TIMD4: variants seen among roughly 807,000 people sequenced by gnomAD.
The protein encoded by TIMD4 is T-cell immunoglobulin and mucin domain-containing protein 4.
Under a neutral mutation model 41.2 loss-of-function variants are expected in TIMD4, and 31 were observed. That is an observed-to-expected ratio of 0.75 (90% CI 0.57 to 1.01). The LOEUF (loss-of-function observed/expected upper bound fraction) is 1.01. TIMD4 is among the 50% of genes least tolerant of loss of function. The probability of loss-of-function intolerance (pLI) is 0.00; values close to 1 mark genes in which losing one functional copy is unlikely to be tolerated. For missense variants in TIMD4, 479 were observed against 472.5 expected, an observed-to-expected ratio of 1.01 and a Z score of -0.13; for synonymous variants, 204 against 177.1, an observed-to-expected ratio of 1.15 and a Z score of -1.21.
At position 156,919,423 on chromosome 5, in the gene TIMD4, GC is replaced by G. The variant is rs138422081; in HGVS notation, c.*33del. 6.1e-3 allele frequency: 9,564 copies of G among 1,571,870 alleles called. 534 individuals carry two copies. The African/African-American group carries it at 0.12, about 19-fold the overall frequency. The stretch of plus-strand genomic sequence containing the variant: ...ACTTATTTTGACACTGGAGTGTCAT[GC>G]CCCCATCCTCAATCTAACATGCTAC... On this transcript the variant is annotated 3_prime_UTR_variant, in exon 9 of 9. Transcript: ENST00000274532.
At chr5:156,937,087 A>C (rs944089180) in intron 5 of TIMD4, among the ~76,000 whole-genome samples, 3 of 152,180 alleles carry the variant, frequency 2.0e-5, no homozygotes, top group Non-Finnish European at 2.9e-5. Flanking sequence ...ACTTTCACAT[A>C]CATTATCTCA....
chr5:156,924,481 T>C (rs1321394731), intron 6 of TIMD4: 2 of 485,306 alleles, frequency 4.1e-6, no homozygotes, highest in Non-Finnish European at 8.3e-6. Flanking sequence ...TTTGCTGGCC[T>C]TGTTGGACTT....
chr5:156,954,136 G>A (rs896187846), intron 2 of TIMD4, among the ~76,000 whole-genome samples: 1 of 152,132 alleles, frequency 6.6e-6, no homozygotes, highest in African/African-American at 2.4e-5. Flanking sequence ...TGAAAACACT[G>A]GACCCAAATA....
chr5:156,943,623 C>T (rs1759685579), intron 5 of TIMD4, among the ~76,000 whole-genome samples: 2 of 152,166 alleles, frequency 1.3e-5, no homozygotes, highest in African/African-American at 4.8e-5. Flanking sequence ...TCCCAGCCCA[C>T]CTGATTTTAT....
In TIMD4 at chr5:156,954,629, G is replaced by T; in HGVS notation, c.186C>A (p.Ser62=). 6.2e-7 allele frequency: 1 copy of T among 1,614,196 alleles called. No individual in the cohort carries two copies. Residue 62 remains serine, a synonymous_variant, in exon 2 of 9, where the codon TCC becomes TCA. Coordinates refer to ENST00000274532, the MANE Select transcript of TIMD4 (RefSeq NM_138379.3). ...MCWGKDQCPY[S]GCKEALIRTD... ...TGCGGATGAGCGCCTCCTTGCAACCGGAGTAGGGGCACTGGTCTTTCCCCC... is the reference window on the plus strand; with the variant it reads ...TGCGGATGAGCGCCTCCTTGCAACCTGAGTAGGGGCACTGGTCTTTCCCCC...
intron 5 of TIMD4, among the ~76,000 whole-genome samples, chr5:156,939,818 A>G (rs567556832): frequency 2.6e-5 from 4 of 152,014 alleles, no homozygotes; most frequent in Admixed American, 2.6e-4. Context: ...TAATCTAGAC[A>G]CTCATGCTTC....
intron 5 of TIMD4, among the ~76,000 whole-genome samples, chr5:156,940,153 T>G (rs1040704510): frequency 2.0e-5 from 3 of 152,254 alleles, no homozygotes; most frequent in Non-Finnish European, 4.4e-5. Context: ...AGACGGGGTT[T>G]CGCCCTGTTG....
chr5:156,950,374 G>C (rs1759830612), intron 3 of TIMD4, among the ~76,000 whole-genome samples: 1 of 152,024 alleles, frequency 6.6e-6, no homozygotes, highest in Non-Finnish European at 1.5e-5. Context: ...TGTGTTTTAT[G>C]GTAGTTATTT....
chr5:156,962,152 G>GA (rs1358818039), intron 1 of TIMD4, among the ~76,000 whole-genome samples: 1 of 152,018 alleles, frequency 6.6e-6, no homozygotes, highest in African/African-American at 2.4e-5. Context: ...AGGAAAAAGG[G>GA]AAAAAATACA....
chr5:156,937,774 C>T (rs965961248), intron 5 of TIMD4, among the ~76,000 whole-genome samples: 4 of 152,154 alleles, frequency 2.6e-5, no homozygotes, highest in African/African-American at 4.8e-5. Flanking sequence ...GACTAGAATG[C>T]TATTGTGAGA....
In TIMD4 at chr5:156,927,708, T is replaced by A. The variant is rs77755842; in HGVS notation, c.845-1396A>T. On this transcript the variant is annotated intron_variant, in intron 5 of 8. Transcript: ENST00000274532. The stretch of plus-strand genomic sequence containing the variant: ...AGGATATGGACATTGAATGTGGGGG[T>A]AAGAAAGAGAGAAAAGTCTTTGATA... Among the ~76,000 whole-genome samples, 144 of 151,922 alleles carry A rather than the reference T, an allele frequency of 9.5e-4. 1 individual carries two copies. The East Asian group carries it at 0.026, about 27-fold the overall frequency.
intron 5 of TIMD4, among the ~76,000 whole-genome samples, chr5:156,944,570 T>A (rs1054366881): frequency 8.3e-5 from 12 of 143,778 alleles, no homozygotes; most frequent in African/African-American, 3.1e-4. Context: ...AGTGGCGCGA[T>A]CTCGGCTCAC....
At chr5:156,947,147 G>C (rs1300784517) in intron 5 of TIMD4, among the ~76,000 whole-genome samples, 4 of 152,014 alleles carry the variant, frequency 2.6e-5, no homozygotes, top group Non-Finnish European at 1.5e-5. Context: ...GCAGTGAGCG[G>C]AGATCGCACC....
intron 5 of TIMD4, among the ~76,000 whole-genome samples, chr5:156,930,978 C>T (rs925986642): frequency 1.3e-5 from 2 of 152,060 alleles, no homozygotes; most frequent in African/African-American, 4.8e-5. Context: ...TCTGGTGGGT[C>T]TCATGTAATT....
At chr5:156,948,324 C>CAAA (rs771775507) in intron 5 of TIMD4, 92 bp downstream of exon 5, 110 of 485,538 alleles carry the variant, frequency 2.3e-4, no homozygotes, top group African/African-American at 1.4e-3. Flanking sequence ...CTCATCTCTA[C>CAAA]AAAAAAAAAA....
In TIMD4 at chr5:156,954,632, G is replaced by GT. The variant is rs1759935229; in HGVS notation, c.182dup (p.Tyr61Ter). The GT allele has an allele frequency of 6.2e-7, 1 of 1,614,244 alleles. No individual in the cohort carries two copies. Among genetic ancestry groups the GT allele is most frequent in the African/African-American group, 1.3e-5 (1 of 75,064 alleles). Residue 61 changes from tyrosine to a stop codon, truncating the protein, a stop_gained and frameshift_variant, in exon 2 of 9, where the codon TAC becomes TAAC. Coordinates refer to ENST00000274532, the MANE Select transcript of TIMD4 (RefSeq NM_138379.3). LOFTEE classifies it high-confidence loss of function. ...SMCWGKDQCP[Y>*]SGCKEALIRT... ...GGATGAGCGCCTCCTTGCAACCGGA[G>GT]TAGGGGCACTGGTCTTTCCCCCAGC...
At chr5:156,949,954 A>T (rs903060266) in intron 3 of TIMD4, among the ~76,000 whole-genome samples, 21 of 152,124 alleles carry the variant, frequency 1.4e-4, no homozygotes, top group East Asian at 7.7e-4. Flanking sequence ...AGCAGCTGGG[A>T]TTACAGGTAC....
At chr5:156,929,158 T>C (rs998514573) in intron 5 of TIMD4, among the ~76,000 whole-genome samples, 4 of 152,086 alleles carry the variant, frequency 2.6e-5, no homozygotes, top group Non-Finnish European at 2.9e-5. Context: ...TTTTCTTCCT[T>C]GTGAAAAGTA....
chr5:156,954,175 T>C (rs1027780487), intron 2 of TIMD4, among the ~76,000 whole-genome samples: 1 of 152,224 alleles, frequency 6.6e-6, no homozygotes, highest in Admixed American at 6.5e-5. Flanking sequence ...CCTAGATACG[T>C]AGCAGCTGCC....
Sources: gnomAD v4.1 joint callset for allele counts (sites outside exome capture counted in the v4.1 genomes callset) on GRCh38, gnomAD v4.1.1 for gene constraint, MANE v1.5 for transcripts, NCBI Gene and HGNC (gene_info 2026-07-23, HGNC 2026-07-21) for gene names.